The following MARCHF1 variants were observed in gnomAD, a reference collection of about 807,000 sequenced individuals.
MARCHF1 encodes membrane associated ring-CH-type finger 1.
MARCHF1 carries 40 observed loss-of-function variants against 54.2 expected under a neutral mutation model. That is an observed-to-expected ratio of 0.74 (90% CI 0.57 to 0.96). The LOEUF (loss-of-function observed/expected upper bound fraction) is 0.96. Among genes scored for constraint, MARCHF1 ranks in the 40% least tolerant of loss-of-function variants. MARCHF1 has a pLI of 0.00. For synonymous variants in MARCHF1, 236 were observed against 236.3 expected (o/e 1.00, Z 0.01); for missense variants, 586 against 656.5 (o/e 0.89, Z 1.17).
intron 1 of MARCHF1, among the ~76,000 whole-genome samples, chr4:164,143,840 A>T (rs868781900): frequency 6.6e-6 from 1 of 152,346 alleles, no homozygotes; most frequent in East Asian, 1.9e-4. Flanking sequence ...TTTAAATGTC[A>T]ATGGACTAAA....
chr4:163,765,814 C>T (rs960210594), intron 4 of MARCHF1, among the ~76,000 whole-genome samples: 5 of 128,692 alleles, frequency 3.9e-5, no homozygotes, highest in African/African-American at 5.8e-5. Flanking sequence ...AGTGATATAC[C>T]GGATTATATA....
intron 1 of MARCHF1, chr4:164,383,609 G>C (rs1731441020): frequency 6.6e-6 from 1 of 152,152 alleles, no homozygotes; most frequent in Admixed American, 6.5e-5. Context: ...CCCAGGCTGC[G>C]GGCTGGAGCC....
intron 1 of MARCHF1, among the ~76,000 whole-genome samples, chr4:164,237,723 C>T (rs887352334): frequency 1.3e-5 from 2 of 151,878 alleles, no homozygotes; most frequent in African/African-American, 4.8e-5. Context: ...CAAAATGCAG[C>T]GTAGTGTTTT....
chr4:163,535,570 C>T (rs1453678838), intron 9 of MARCHF1, among the ~76,000 whole-genome samples: 1 of 152,050 alleles, frequency 6.6e-6, no homozygotes, highest in Admixed American at 6.6e-5. Flanking sequence ...GAAGAATAAT[C>T]AGGAGTATGT....
chr4:164,230,845 A>G (rs1732395685), intron 1 of MARCHF1, among the ~76,000 whole-genome samples: 1 of 152,174 alleles, frequency 6.6e-6, no homozygotes, highest in African/African-American at 2.4e-5. Flanking sequence ...GTAAAGAGTT[A>G]GGATGTGTAT....
chr4:164,261,051 G>A (rs544611379), intron 1 of MARCHF1, among the ~76,000 whole-genome samples: 10 of 152,174 alleles, frequency 6.6e-5, no homozygotes, highest in African/African-American at 2.4e-4. Context: ...TGGACATAGA[G>A]AAAGGCACAC....
intron 2 of MARCHF1, among the ~76,000 whole-genome samples, chr4:164,004,702 A>AC (rs143975374): frequency 0.018 from 2,673 of 150,814 alleles, 49 homozygotes; most frequent in Non-Finnish European, 0.028. Flanking sequence ...CTGAAAAATC[A>AC]CCCCCCCCAA....
intron 5 of MARCHF1, among the ~76,000 whole-genome samples, chr4:163,681,303 TG>T (rs1378690607): frequency 1.3e-5 from 2 of 152,140 alleles, no homozygotes; most frequent in African/African-American, 4.8e-5. Context: ...GTTGGGAGAA[TG>T]TTTCCATCTA....
intron 4 of MARCHF1, among the ~76,000 whole-genome samples, chr4:163,711,285 A>T (rs1446775638): frequency 1.3e-5 from 2 of 152,322 alleles, no homozygotes; most frequent in East Asian, 1.9e-4. Flanking sequence ...AGTGCTTAAC[A>T]TTCCACTGAG....
At chr4:163,824,079 CA>C (rs34018940) in intron 4 of MARCHF1, among the ~76,000 whole-genome samples, 119,760 of 151,538 alleles carry the variant, frequency 0.79, 48,332 homozygotes, top group South Asian at 0.91. Flanking sequence ...GATGGAATCA[CA>C]AAAATAAAAA....
intron 1 of MARCHF1, among the ~76,000 whole-genome samples, chr4:164,300,129 A>G (rs1734515468): frequency 6.6e-6 from 1 of 152,114 alleles, no homozygotes; most frequent in South Asian, 2.1e-4. Context: ...TAGGCACTCA[A>G]TTCAATTCTA....
At position 163,749,992 on chromosome 4, in the gene MARCHF1, G is replaced by A. The variant is rs114694285; in HGVS notation, c.112-49129C>T. ...GCTGAGGCAGAAGAATTACTTGAAC[G>A]TGGGAGGCAAAGGTTGCAGTGAGCT... On this transcript the variant is annotated intron_variant, in intron 4 of 9. Coordinates refer to ENST00000514618, the MANE Select transcript of MARCHF1 (RefSeq NM_001394959.1). Among the ~76,000 whole-genome samples, 1,242 of 151,628 alleles carry A rather than the reference G, an allele frequency of 8.2e-3. 10 individuals are homozygous for A. The highest frequency in any genetic ancestry group is 0.021 in the South Asian group (102 of 4,786).
intron 3 of MARCHF1, among the ~76,000 whole-genome samples, chr4:163,954,871 A>C (rs983806021): frequency 5.3e-5 from 8 of 152,160 alleles, no homozygotes; most frequent in Middle Eastern, 3.2e-3. Context: ...GTATAAATTC[A>C]GAATAAAATT....
chr4:164,324,744 T>G (rs1247891223), intron 1 of MARCHF1, among the ~76,000 whole-genome samples: 1 of 151,342 alleles, frequency 6.6e-6, no homozygotes. Flanking sequence ...ATAAAATCTT[T>G]AGAAATAAAT....
At chr4:163,934,206 T>A (rs1451110394) in intron 3 of MARCHF1, among the ~76,000 whole-genome samples, 1 of 152,100 alleles carries the variant, frequency 6.6e-6, no homozygotes, top group Non-Finnish European at 1.5e-5. Context: ...AAAAGCCTTG[T>A]GAAAATGATA....
chr4:164,060,338 T>G (rs1754588466), intron 2 of MARCHF1, among the ~76,000 whole-genome samples: 1 of 152,104 alleles, frequency 6.6e-6, no homozygotes, highest in Admixed American at 6.5e-5. Context: ...TACACAAACA[T>G]GTAAAAGACA....
At chr4:164,107,875 T>C (rs1755741462) in intron 2 of MARCHF1, among the ~76,000 whole-genome samples, 2 of 151,914 alleles carry the variant, frequency 1.3e-5, no homozygotes, top group Admixed American at 1.3e-4. Context: ...CCTTGGAAAA[T>C]AAGTTCAGGA....
At chr4:164,188,886 T>A (rs1214580910) in intron 1 of MARCHF1, 2 of 776,404 alleles carry the variant, frequency 2.6e-6, no homozygotes, top group African/African-American at 3.4e-5. Flanking sequence ...CATGCAGTTT[T>A]TACCTTACCA....
At chr4:163,692,589 T>A (rs1744498880) in intron 5 of MARCHF1, among the ~76,000 whole-genome samples, 2 of 143,178 alleles carry the variant, frequency 1.4e-5, no homozygotes, top group African/African-American at 2.6e-5. Flanking sequence ...TATGGCTCCT[T>A]GGCCCCTGAA....
Sources: allele counts gnomAD v4.1 joint callset (sites outside exome capture counted in the v4.1 genomes callset), GRCh38; gene constraint gnomAD v4.1.1; transcripts MANE v1.5; gene names NCBI Gene and HGNC (gene_info 2026-07-23, HGNC 2026-07-21).